HECW1: variants seen among roughly 807,000 people sequenced by gnomAD.
The protein encoded by HECW1 is HECT, C2 and WW domain containing E3 ubiquitin protein ligase 1.
In HECW1, 61 loss-of-function variants were observed where a neutral mutation model predicts 182.3. The ratio of observed to expected loss-of-function variants is 0.33; its 90% confidence interval spans 0.27 to 0.41. HECW1 has a LOEUF of 0.41. HECW1 is among the 10% of genes least tolerant of loss of function. The pLI, the probability that HECW1 is intolerant of heterozygous loss-of-function variation, is 1.00. For missense variants in HECW1, 1,739 were observed against 2,108.9 expected, an observed-to-expected ratio of 0.82 and a Z score of 3.44; for synonymous variants, 859 against 832.6, an observed-to-expected ratio of 1.03 and a Z score of -0.55.
intron 11 of HECW1, among the ~76,000 whole-genome samples, chr7:43,450,212 G>A (rs2077186605): frequency 6.6e-6 from 1 of 151,972 alleles, no homozygotes; most frequent in Admixed American, 6.6e-5. Flanking sequence ...AATCTGGACA[G>A]TCCTGAGATC....
At chr7:43,308,198 T>TATATA (rs374687796) in intron 3 of HECW1, among the ~76,000 whole-genome samples, 10,859 of 98,836 alleles carry the variant, frequency 0.11, 1,018 homozygotes, top group Non-Finnish European at 0.13. Context: ...AATATATTTA[T>TATATA]ATATATTTTT....
At chr7:43,437,388 C>A (rs2076747077) in intron 8 of HECW1, among the ~76,000 whole-genome samples, 1 of 152,152 alleles carries the variant, frequency 6.6e-6, no homozygotes, top group Non-Finnish European at 1.5e-5. Flanking sequence ...CAATAAACAT[C>A]CCTGTTAAAT....
intron 5 of HECW1, among the ~76,000 whole-genome samples, chr7:43,334,268 C>G (rs935860131): frequency 5.9e-5 from 9 of 152,208 alleles, no homozygotes; most frequent in South Asian, 4.1e-4. Flanking sequence ...AGATAGGTCT[C>G]TAGTCAACTG....
intron 24 of HECW1, among the ~76,000 whole-genome samples, chr7:43,537,803 G>A (rs1211897457): frequency 6.6e-6 from 1 of 150,460 alleles, no homozygotes; most frequent in South Asian, 2.1e-4. Context: ...TTTTAAAAAA[G>A]CTATGGCTTG....
At chr7:43,260,365 A>G (rs1801040247) in intron 3 of HECW1, among the ~76,000 whole-genome samples, 1 of 152,186 alleles carries the variant, frequency 6.6e-6, no homozygotes, top group Non-Finnish European at 1.5e-5. Flanking sequence ...TGCAAAAGAA[A>G]ACACTTCACG....
intron 14 of HECW1, among the ~76,000 whole-genome samples, chr7:43,465,645 A>G (rs950918372): frequency 1.5e-4 from 23 of 152,122 alleles, no homozygotes; most frequent in Admixed American, 1.3e-4. Context: ...TCCCAATACA[A>G]CTGGGTGTGG....
intron 5 of HECW1, among the ~76,000 whole-genome samples, chr7:43,356,380 C>T (rs1815137248): frequency 6.6e-6 from 1 of 152,154 alleles, no homozygotes; most frequent in East Asian, 1.9e-4. Context: ...TATCTATGCA[C>T]CCAACACCAG....
chr7:43,252,275 A>G (rs76670573), intron 3 of HECW1, among the ~76,000 whole-genome samples: 8,467 of 152,164 alleles, frequency 0.056, 321 homozygotes, highest in South Asian at 0.11. Context: ...TTCTGCCCCC[A>G]GTCAGTATCC....
intron 2 of HECW1, among the ~76,000 whole-genome samples, chr7:43,188,850 C>T (rs2152681944): frequency 6.6e-6 from 1 of 152,310 alleles, no homozygotes; most frequent in Non-Finnish European, 1.5e-5. Context: ...TAACACCCTC[C>T]TGCCATCTTG....
intron 2 of HECW1, among the ~76,000 whole-genome samples, chr7:43,137,839 C>T (rs1480126524): frequency 2.6e-5 from 4 of 152,152 alleles, no homozygotes; most frequent in African/African-American, 7.2e-5. Flanking sequence ...CATGAGCCAC[C>T]GTGCCCAGCC....
At chr7:43,556,696 T>TCA (rs139684963) in intron 29 of HECW1, among the ~76,000 whole-genome samples, 7 of 140,294 alleles carry the variant, frequency 5.0e-5, no homozygotes, top group Non-Finnish European at 7.9e-5. Context: ...TCAAATTAAA[T>TCA]TAAAAAAAAA....
intron 2 of HECW1, among the ~76,000 whole-genome samples, chr7:43,115,632 G>A (rs1583555306): frequency 6.6e-6 from 1 of 152,316 alleles, no homozygotes; most frequent in South Asian, 2.1e-4. Context: ...AAATAGGCAG[G>A]CAGGCAGTGT....
intron 2 of HECW1, among the ~76,000 whole-genome samples, chr7:43,136,864 A>G (rs896111810): frequency 6.6e-6 from 1 of 152,118 alleles, no homozygotes; most frequent in Non-Finnish European, 1.5e-5. Flanking sequence ...CTAGCCCAGG[A>G]TGTTCCCAAC....
chr7:43,208,638 C>T (rs961370833), intron 2 of HECW1, among the ~76,000 whole-genome samples: 1 of 152,218 alleles, frequency 6.6e-6, no homozygotes, highest in Non-Finnish European at 1.5e-5. Context: ...AAATGTGTGT[C>T]TTTTTACTAC....
At chr7:43,124,001 A>G (rs1381906710) in intron 2 of HECW1, among the ~76,000 whole-genome samples, 1 of 152,192 alleles carries the variant, frequency 6.6e-6, no homozygotes, top group African/African-American at 2.4e-5. Flanking sequence ...CTAAACCCAA[A>G]TTGTATCTAC....
intron 24 of HECW1, among the ~76,000 whole-genome samples, chr7:43,531,851 T>C (rs1187215608): frequency 6.6e-6 from 1 of 152,226 alleles, no homozygotes; most frequent in Non-Finnish European, 1.5e-5. Flanking sequence ...GATCCCCGAA[T>C]GCTGCATCAA....
intron 3 of HECW1, among the ~76,000 whole-genome samples, chr7:43,268,446 C>T (rs536858435): frequency 1.3e-5 from 2 of 152,270 alleles, no homozygotes; most frequent in East Asian, 1.9e-4. Flanking sequence ...TTTTGTCCCC[C>T]GCGGACATTT....
intron 26 of HECW1, among the ~76,000 whole-genome samples, chr7:43,543,093 C>T (rs868707139): frequency 8.1e-4 from 124 of 152,292 alleles, no homozygotes; most frequent in African/African-American, 2.8e-3. Flanking sequence ...ATCAAATCTT[C>T]GGATCAAATG....
chr7:43,323,626 C>A (rs372647486), intron 5 of HECW1, among the ~76,000 whole-genome samples: 5 of 152,006 alleles, frequency 3.3e-5, no homozygotes, highest in East Asian at 3.9e-4. Context: ...ACAACAACAA[C>A]GACAAAAATA....
Sources: gnomAD v4.1 joint callset for allele counts (sites outside exome capture counted in the v4.1 genomes callset) on GRCh38, gnomAD v4.1.1 for gene constraint, MANE v1.5 for transcripts, NCBI Gene and HGNC (gene_info 2026-07-23, HGNC 2026-07-21) for gene names.